Variants in GNG7 observed in about 807,000 individuals in gnomAD.
GNG7 encodes guanine nucleotide-binding protein G(I)/G(S)/G(O) subunit gamma-7.
GNG7 carries 1 observed loss-of-function variant against 4.0 expected under a neutral mutation model. The observed-to-expected ratio is 0.25, with a 90% confidence interval of 0.09 to 1.18. GNG7 has a LOEUF of 1.18. GNG7 is among the 50% of genes most tolerant of loss of function. The probability of loss-of-function intolerance (pLI) is 0.50; values close to 1 mark genes in which losing one functional copy is unlikely to be tolerated. For missense variants in GNG7, 86 were observed against 91.9 expected, an observed-to-expected ratio of 0.94 and a Z score of 0.26; for synonymous variants, 34 against 36.9, an observed-to-expected ratio of 0.92 and a Z score of 0.29.
chr19:2,622,205 G>C (rs896835887), intron 2 of GNG7, among the ~76,000 whole-genome samples: 3 of 151,898 alleles, frequency 2.0e-5, no homozygotes, highest in Non-Finnish European at 4.4e-5. Context: ...TCAGCCTCCT[G>C]AGTAGCTGGG....
chr19:2,619,475 G>A (rs1981809501), intron 2 of GNG7, among the ~76,000 whole-genome samples: 1 of 152,198 alleles, frequency 6.6e-6, no homozygotes, highest in African/African-American at 2.4e-5. Flanking sequence ...TTTATAGTAA[G>A]GCTGAGCCCT....
intron 4 of GNG7, among the ~76,000 whole-genome samples, chr19:2,518,127 G>A (rs1203624504): frequency 6.6e-6 from 1 of 152,168 alleles, no homozygotes; most frequent in East Asian, 1.9e-4. Flanking sequence ...CACTGCGCTG[G>A]GCTGGTGAGC....
chr19:2,596,620 G>A (rs1161683145), intron 2 of GNG7, among the ~76,000 whole-genome samples: 1 of 151,566 alleles, frequency 6.6e-6, no homozygotes, highest in African/African-American at 2.4e-5. Context: ...AGTGAGCCAT[G>A]ATTATGCCAC....
At chr19:2,700,078 C>T (rs2144665359) in intron 1 of GNG7, among the ~76,000 whole-genome samples, 1 of 150,968 alleles carries the variant, frequency 6.6e-6, no homozygotes, top group South Asian at 2.1e-4. Context: ...TCTGTCTCAA[C>T]ATAATAATAA....
chr19:2,548,405 C>T lies in GNG7; in HGVS notation c.-38+6744G>A, dbSNP rs893496311. On this transcript the variant is annotated intron_variant, in intron 3 of 4. Coordinates refer to ENST00000382159, the MANE Select transcript of GNG7 (RefSeq NM_052847.3). ...CTAAGGCAGGAGAATGCCGTGAACT[C>T]GGGAGGCGGAGGTTGCAGTGGGTTG... Among the ~76,000 whole-genome samples, 4 of 141,518 alleles carry T rather than the reference C, an allele frequency of 2.8e-5. No individual in the cohort carries two copies. In the South Asian group the frequency reaches 7.0e-4, roughly 25 times the overall value. The allele number at this position is 141,518 out of a possible 152,430, so 92.8% of individuals were successfully genotyped here.
At chr19:2,671,709 C>A (rs1983457017) in intron 1 of GNG7, among the ~76,000 whole-genome samples, 1 of 152,112 alleles carries the variant, frequency 6.6e-6, no homozygotes, top group Non-Finnish European at 1.5e-5. Flanking sequence ...GTCATCAGCT[C>A]CTCCAACTAC....
At chr19:2,657,850 T>G (rs914240107) in intron 1 of GNG7, among the ~76,000 whole-genome samples, 1 of 152,032 alleles carries the variant, frequency 6.6e-6, no homozygotes, top group African/African-American at 2.4e-5. Flanking sequence ...ACAGAATTAG[T>G]GAAAGTACTA....
At chr19:2,523,158 TGCCCG>T (rs1048106984) in intron 3 of GNG7, among the ~76,000 whole-genome samples, 2 of 150,056 alleles carry the variant, frequency 1.3e-5, no homozygotes, top group Admixed American at 6.7e-5. Context: ...TGAGCCACCA[TGCCCG>T]GCCCAAGGAC....
chr19:2,583,515 C>T (rs1980561317), intron 2 of GNG7, among the ~76,000 whole-genome samples: 1 of 152,170 alleles, frequency 6.6e-6, no homozygotes, highest in Admixed American at 6.5e-5. Flanking sequence ...GGCAAGACCC[C>T]TTGTTGGTGC....
chr19:2,579,658 C>CCGA (rs1192596764), intron 2 of GNG7, among the ~76,000 whole-genome samples: 1 of 152,196 alleles, frequency 6.6e-6, no homozygotes, highest in Non-Finnish European at 1.5e-5. Context: ...GGACAAGCTG[C>CCGA]CGACGGAAGG....
chr19:2,628,950 C>T (rs1982089656), intron 2 of GNG7, among the ~76,000 whole-genome samples: 1 of 152,168 alleles, frequency 6.6e-6, no homozygotes, highest in South Asian at 2.1e-4. Flanking sequence ...TCCTCAAGTG[C>T]AGGGGATTAG....
At chr19:2,680,667 C>T (rs1217967719) in intron 1 of GNG7, among the ~76,000 whole-genome samples, 2 of 151,264 alleles carry the variant, frequency 1.3e-5, no homozygotes, top group African/African-American at 4.9e-5. Flanking sequence ...CCTCCGCCTC[C>T]TGGGTTCAAG....
chr19:2,598,329 G>C (rs1568257642), intron 2 of GNG7, among the ~76,000 whole-genome samples: 1 of 151,746 alleles, frequency 6.6e-6, no homozygotes, highest in South Asian at 2.1e-4. Context: ...TTCGAGACCA[G>C]CCTGGCCAAC....
intron 2 of GNG7, among the ~76,000 whole-genome samples, chr19:2,603,248 G>T (rs549966328): frequency 2.0e-5 from 3 of 152,232 alleles, no homozygotes; most frequent in African/African-American, 7.2e-5. Flanking sequence ...TGTATTTTTA[G>T]TAGAGACGGG....
At chr19:2,515,371 C>T (rs946376845) in intron 4 of GNG7, among the ~76,000 whole-genome samples, 84 of 152,212 alleles carry the variant, frequency 5.5e-4, no homozygotes, top group African/African-American at 2.0e-3. Context: ...ATCTCAAGGG[C>T]CTCATGCTCA....
At chr19:2,655,838 G>GAAAAAAAAAAAAAAAAA (rs56041767) in intron 1 of GNG7, among the ~76,000 whole-genome samples, 7 of 54,752 alleles carry the variant, frequency 1.3e-4, no homozygotes, top group Non-Finnish European at 2.3e-4. Flanking sequence ...GGCTCCGTCT[G>GAAAAAAAAAAAAAAAAA]AAAAAAAAAA....
At chr19:2,542,406 G>A (rs975007824) in intron 3 of GNG7, among the ~76,000 whole-genome samples, 4 of 152,008 alleles carry the variant, frequency 2.6e-5, no homozygotes, top group Admixed American at 2.6e-4. Context: ...GCGAGTCACC[G>A]CGCCTGGCCT....
chr19:2,626,232 C>T lies in GNG7; in HGVS notation c.-78+19992G>A, dbSNP rs1334196816. ...GGGAACGTGAAGCTGATGCTGCTCCCGCCCCAGGCCTGAAGCCGGCCCCCT... is the reference window on the plus strand; with the variant it reads ...GGGAACGTGAAGCTGATGCTGCTCCTGCCCCAGGCCTGAAGCCGGCCCCCT... On this transcript the variant is annotated intron_variant, in intron 2 of 4. Transcript: ENST00000382159. The surrounding 1 kb of genome is among the most constrained non-coding windows in gnomAD (Gnocchi z 5.0). Among the ~76,000 whole-genome samples the T allele has an allele frequency of 6.6e-6, 1 of 152,192 alleles. No individual in the cohort carries two copies. The highest frequency in any genetic ancestry group is 1.5e-5 in the Non-Finnish European group (1 of 68,024).
chr19:2,529,811 C>T (rs1268096091), intron 3 of GNG7, among the ~76,000 whole-genome samples: 1 of 152,192 alleles, frequency 6.6e-6, no homozygotes, highest in East Asian at 1.9e-4. Flanking sequence ...GGGCTGACAC[C>T]TGCTCCTGAA....
Sources: allele counts gnomAD v4.1 joint callset (sites outside exome capture counted in the v4.1 genomes callset), GRCh38; gene constraint gnomAD v4.1.1; non-coding constraint Gnocchi (gnomAD v3.1); transcripts MANE v1.5; gene names NCBI Gene and HGNC (gene_info 2026-07-23, HGNC 2026-07-21).